The following UBE2W variants were observed in gnomAD, a reference collection of about 807,000 sequenced individuals.
UBE2W encodes the protein ubiquitin conjugating enzyme E2 W, also known as ubiquitin-conjugating enzyme E2 W.
Under a neutral mutation model 27.2 loss-of-function variants are expected in UBE2W, and 18 were observed. The observed-to-expected ratio is 0.66, with a 90% CI of 0.46 to 0.98. The LOEUF is 0.98. UBE2W is among the 50% of genes least tolerant of loss of function. The probability of loss-of-function intolerance (pLI) is 0.00; values close to 1 mark genes in which losing one functional copy is unlikely to be tolerated. For missense variants in UBE2W, 90 were observed against 180.2 expected, an observed-to-expected ratio of 0.50 and a Z score of 2.87; for synonymous variants, 53 against 57.2, an observed-to-expected ratio of 0.93 and a Z score of 0.33.
chr8:73,863,577 AT>A (rs1811617152), intron 1 of UBE2W, among the ~76,000 whole-genome samples: 2 of 110,142 alleles, frequency 1.8e-5, no homozygotes, highest in Admixed American at 2.1e-4. Flanking sequence ...TTAAAGTATA[AT>A]AAAAAAAAAA....
chr8:73,782,819 T>C (rs190828388), downstream of UBE2W, among the ~76,000 whole-genome samples: 8 of 152,360 alleles, frequency 5.3e-5, no homozygotes, highest in Non-Finnish European at 8.8e-5. Context: ...ATAGTAGGTA[T>C]GTGCATAACT....
intron 5 of UBE2W, among the ~76,000 whole-genome samples, chr8:73,803,463 G>A (rs962252188): frequency 6.6e-6 from 1 of 152,034 alleles, no homozygotes; most frequent in African/African-American, 2.4e-5. Flanking sequence ...TGTCCTGTCT[G>A]GTAGATTAAT....
chr8:73,864,077 A>C (rs1328015626), intron 1 of UBE2W, among the ~76,000 whole-genome samples: 3 of 152,214 alleles, frequency 2.0e-5, no homozygotes, highest in Non-Finnish European at 4.4e-5. Context: ...CAATACTTCC[A>C]AATCAAAAGT....
chr8:73,861,188 T>C (rs1426747671), intron 1 of UBE2W, among the ~76,000 whole-genome samples: 2 of 152,134 alleles, frequency 1.3e-5, no homozygotes, highest in Non-Finnish European at 2.9e-5. Context: ...TAAATACTCC[T>C]AGCAAGTAAA....
intron 1 of UBE2W, among the ~76,000 whole-genome samples, chr8:73,862,830 CTCA>C (rs1436487848): frequency 1.4e-5 from 2 of 141,390 alleles, no homozygotes; most frequent in Non-Finnish European, 3.0e-5. Flanking sequence ...TGAAAAAATG[CTCA>C]TCATCACTGG....
chr8:73,824,241 A>G (rs1284563157), intron 3 of UBE2W, among the ~76,000 whole-genome samples: 1 of 152,248 alleles, frequency 6.6e-6, no homozygotes, highest in Non-Finnish European at 1.5e-5. Context: ...ATCATTTACT[A>G]TAGTTAAATA....
At chr8:73,846,246 A>C (rs533573724) in intron 1 of UBE2W, among the ~76,000 whole-genome samples, 114 of 152,174 alleles carry the variant, frequency 7.5e-4, no homozygotes, top group Admixed American at 6.9e-3. Flanking sequence ...AAAATACAAA[A>C]TTAGCCAGGT....
intron 2 of UBE2W, among the ~76,000 whole-genome samples, chr8:73,827,564 C>T (rs901190144): frequency 1.3e-5 from 2 of 151,800 alleles, no homozygotes; most frequent in African/African-American, 4.8e-5. Context: ...GGGTCTCACT[C>T]TGTCACCCAG....
chr8:73,793,507 T>C lies in UBE2W; in HGVS notation c.*595A>G. On this transcript the variant is annotated 3_prime_UTR_variant, in exon 6 of 6. Coordinates refer to ENST00000602593, the MANE Select transcript of UBE2W (RefSeq NM_018299.6). ...CAGTAGATATAAACAATTCAATAAA[T>C]ATGCAATGATCTTTCATTACAGTCC... is the stretch of plus-strand genomic sequence containing the variant. The C allele has an allele frequency of 1.0e-6, 1 of 985,846 alleles. No homozygotes were observed. The highest frequency in any genetic ancestry group is 1.2e-6 in the Non-Finnish European group (1 of 829,926). The allele number at this position is 985,846 out of a possible 1,614,324, so 61.1% of individuals were successfully genotyped here.
At chr8:73,833,855 C>T (rs1036491697) in intron 1 of UBE2W, 6 of 152,174 alleles carry the variant, frequency 3.9e-5, no homozygotes, top group Non-Finnish European at 8.8e-5. Flanking sequence ...TTTTGACCTG[C>T]TCTGTTTCTG....
At chr8:73,876,970 A>G (rs1305659163) in intron 1 of UBE2W, among the ~76,000 whole-genome samples, 1 of 152,132 alleles carries the variant, frequency 6.6e-6, no homozygotes, top group Non-Finnish European at 1.5e-5. Flanking sequence ...TCCATCTCAA[A>G]AAAGAAAAAA....
chr8:73,877,259 C>T (rs1812271805), intron 1 of UBE2W, among the ~76,000 whole-genome samples: 2 of 152,226 alleles, frequency 1.3e-5, no homozygotes, highest in Admixed American at 1.3e-4. Context: ...TAGCATTCCA[C>T]TGTTCCTTTT....
chr8:73,787,382 A>C lies in UBE2W; in HGVS notation c.*6720T>G, dbSNP rs1808000009. 1 of 985,326 alleles carries C rather than the reference A, an allele frequency of 1.0e-6. No homozygotes were observed. Among genetic ancestry groups the C allele is most frequent in the South Asian group, 4.7e-5 (1 of 21,292 alleles). The allele number at this position is 985,326 out of a possible 1,614,324, so 61.0% of individuals were successfully genotyped here. On this transcript the variant is annotated 3_prime_UTR_variant, in exon 6 of 6. Coordinates refer to ENST00000602593, the MANE Select transcript of UBE2W (RefSeq NM_018299.6). The stretch of plus-strand genomic sequence containing the variant: ...TCCAGGGTAGCTTAAACTAATGGAG[A>C]AAAGTCAAATCCTACTATGGAAAGT...
chr8:73,846,810 G>C (rs1417556781), intron 1 of UBE2W, among the ~76,000 whole-genome samples: 1 of 152,166 alleles, frequency 6.6e-6, no homozygotes, highest in African/African-American at 2.4e-5. Flanking sequence ...GTGCAAACAT[G>C]CAGATAAACT....
intron 3 of UBE2W, among the ~76,000 whole-genome samples, chr8:73,816,918 C>A (rs1809411856): frequency 6.6e-6 from 1 of 151,958 alleles, no homozygotes; most frequent in Non-Finnish European, 1.5e-5. Flanking sequence ...CCTGTAATCC[C>A]AGCTACTGTG....
chr8:73,833,014 C>T (rs530664470), intron 1 of UBE2W, among the ~76,000 whole-genome samples: 17 of 151,746 alleles, frequency 1.1e-4, no homozygotes, highest in African/African-American at 3.9e-4. Flanking sequence ...ATGGTGAAAC[C>T]CTACTAAAAA....
At position 73,792,970 on chromosome 8, in the gene UBE2W, CCT is replaced by C; in HGVS notation, c.*1130_*1131del. 1 of 985,362 alleles carries C rather than the reference CCT, an allele frequency of 1.0e-6. No homozygotes were observed. The highest frequency in any genetic ancestry group is 4.7e-5 in the South Asian group (1 of 21,284). 61.0% of individuals were successfully genotyped at this position (985,362 alleles called of 1,614,324 possible). ...CACACTCTTTTGTTAAAACATTAAG[CCT>C]CTGTCAAAAATGTATTTCTTATTTT... On this transcript the variant is annotated 3_prime_UTR_variant, in exon 6 of 6. Transcript: ENST00000602593.
At chr8:73,807,732 C>T (rs964914582) in intron 4 of UBE2W, among the ~76,000 whole-genome samples, 2 of 151,878 alleles carry the variant, frequency 1.3e-5, no homozygotes, top group African/African-American at 4.8e-5. Context: ...GATTAGAACC[C>T]AAGAATCATC....
rs536665614 is a variant in UBE2W at position 73,878,109 on chromosome 8, G to T, written c.15+699C>A. On this transcript the variant is annotated intron_variant, in intron 1 of 5. Transcript: ENST00000602593. ...AGAGGTTTAAGGGGGCTGAGGACTC[G>T]GCTCTCGGGAGATCGCCCATCAGGC... 2.6e-5 allele frequency among the ~76,000 whole-genome samples: 4 copies of T among 152,340 alleles called. No individual in the cohort carries two copies. The East Asian group carries it at 7.7e-4, about 29-fold the overall frequency.
Sources: allele counts gnomAD v4.1 joint callset (sites outside exome capture counted in the v4.1 genomes callset), GRCh38; gene constraint gnomAD v4.1.1; transcripts MANE v1.5; gene names NCBI Gene and HGNC (gene_info 2026-07-23, HGNC 2026-07-21).